The following ITGAL variants were observed in gnomAD, a reference collection of about 807,000 sequenced individuals.
ITGAL encodes the protein integrin subunit alpha L, also known as integrin alpha-L.
In ITGAL, 68 loss-of-function variants were observed where a neutral mutation model predicts 138.4. The observed-to-expected ratio is 0.49, with a 90% confidence interval of 0.40 to 0.60. ITGAL has a LOEUF of 0.60. ITGAL is among the 20% of genes least tolerant of loss of function. ITGAL has a pLI of 0.00. For missense variants in ITGAL, 1,256 were observed against 1,478.6 expected, an observed-to-expected ratio of 0.85 and a Z score of 2.47; for synonymous variants, 561 against 584.3, an observed-to-expected ratio of 0.96 and a Z score of 0.57.
chr16:30,490,679 AC>A (rs1453083394), intron 11 of ITGAL, among the ~76,000 whole-genome samples: 1 of 151,978 alleles, frequency 6.6e-6, no homozygotes, highest in Non-Finnish European at 1.5e-5. Context: ...TTTTAAAACA[AC>A]CTGCCTTATT....
chr16:30,499,711 A>ATGTATATATATATG (rs1567478363), intron 17 of ITGAL, among the ~76,000 whole-genome samples: 36 of 93,758 alleles, frequency 3.8e-4, no homozygotes, highest in East Asian at 1.5e-3. Context: ...ATATATATAT[A>ATGTATATATATATG]TGTATATATA....
At chr16:30,499,733 A>ATATATTTTTTTT in intron 17 of ITGAL, among the ~76,000 whole-genome samples, 2 of 88,378 alleles carry the variant, frequency 2.3e-5, no homozygotes. Context: ...ATATATATAT[A>ATATATTTTTTTT]TTTTTTTTTT....
chr16:30,479,793 A>G (rs2050527973), intron 6 of ITGAL, among the ~76,000 whole-genome samples: 1 of 151,340 alleles, frequency 6.6e-6, no homozygotes, highest in Admixed American at 6.6e-5. Context: ...CTGGTATTAC[A>G]GGCAACTGCC....
chr16:30,473,466 T>C (rs527520855), intron 1 of ITGAL, among the ~76,000 whole-genome samples: 3 of 152,144 alleles, frequency 2.0e-5, no homozygotes, highest in Non-Finnish European at 4.4e-5. Flanking sequence ...CAGATAGTTA[T>C]TGAGTAGCTA....
intron 9 of ITGAL, among the ~76,000 whole-genome samples, 178 bp downstream of exon 9, chr16:30,484,441 T>G (rs547731967): frequency 1.8e-4 from 27 of 151,208 alleles, no homozygotes; most frequent in Non-Finnish European, 2.9e-4. Context: ...AAACCCCATC[T>G]ATACTAAAAA....
At chr16:30,514,158 T>A (rs2051131947) in intron 25 of ITGAL, among the ~76,000 whole-genome samples, 1 of 152,220 alleles carries the variant, frequency 6.6e-6, no homozygotes, top group African/African-American at 2.4e-5. Context: ...TTACCCAGGC[T>A]TGAGTGCAGT....
chr16:30,476,633 CTTT>C (rs36005241), intron 4 of ITGAL, among the ~76,000 whole-genome samples: 7 of 137,412 alleles, frequency 5.1e-5, no homozygotes, highest in African/African-American at 1.1e-4. Flanking sequence ...GGAAACACTG[CTTT>C]TTTTTTTTTT....
At chr16:30,507,584 A>T (rs1358755132) in intron 21 of ITGAL, among the ~76,000 whole-genome samples, 1 of 151,790 alleles carries the variant, frequency 6.6e-6, no homozygotes, top group Admixed American at 6.6e-5. Flanking sequence ...TGTAAGGCAG[A>T]GGCTACTGTG....
At chr16:30,512,188 G>A (rs2051100112) in intron 24 of ITGAL, among the ~76,000 whole-genome samples, 1 of 152,148 alleles carries the variant, frequency 6.6e-6, no homozygotes, top group Non-Finnish European at 1.5e-5. Context: ...AATTATCCTA[G>A]CCTATGGGCA....
At chr16:30,481,184 C>A (rs868138084) in intron 6 of ITGAL, 5 of 356,072 alleles carry the variant, frequency 1.4e-5, no homozygotes, top group East Asian at 6.4e-5. Context: ...ACACACACAC[C>A]ACACACACAC....
intron 17 of ITGAL, among the ~76,000 whole-genome samples, chr16:30,501,821 A>T (rs2050903484): frequency 6.6e-6 from 1 of 152,034 alleles, no homozygotes. Context: ...GCTTGAGCTT[A>T]GGAGTTCAAC....
At chr16:30,507,971 C>T (rs1479437908) in intron 21 of ITGAL, among the ~76,000 whole-genome samples, 4 of 151,934 alleles carry the variant, frequency 2.6e-5, no homozygotes, top group African/African-American at 9.7e-5. Flanking sequence ...TGCAGTGGCG[C>T]GATCTCGGCT....
At chr16:30,474,399 C>T (rs570963398) in intron 2 of ITGAL, 101 bp downstream of exon 2, 59 of 761,724 alleles carry the variant, frequency 7.7e-5, no homozygotes, top group South Asian at 7.3e-4. Context: ...GTCGGTGGCA[C>T]GAGGCAGCTC....
In ITGAL at chr16:30,481,143, AACACACACACAC is replaced by A. The variant is rs60456127; in HGVS notation, c.577-267_577-256del. The A allele has an allele frequency of 3.0e-3, 645 of 216,020 alleles. 1 individual carries two copies. Among genetic ancestry groups the A allele is most frequent in the African/African-American group, 5.5e-3 (199 of 35,996 alleles). 13.4% of individuals were successfully genotyped at this position (216,020 alleles called of 1,614,324 possible). On this transcript the variant is annotated intron_variant, in intron 6 of 30. Transcript: ENST00000356798. The stretch of plus-strand genomic sequence containing the variant: ...ATGGTGAAACACCGTCTCTACTAAA[AACACACACACAC>A]ACACACACACACACACACACACACA...
rs779031566 is a variant in ITGAL at position 30,483,929 on chromosome 16, G to A, written c.825G>A (p.Ala275=). ...GEATDSGNID[A]AKDIIRYIIG... Reference sequence around the variant, plus strand: ...CCACTGACAGTGGCAACATCGATGCGGCCAAAGACATCATCCGCTACATCA... The same window carrying A: ...CCACTGACAGTGGCAACATCGATGCAGCCAAAGACATCATCCGCTACATCA... Residue 275 remains alanine (A), a synonymous_variant, in exon 8 of 31, where the codon GCG becomes GCA. Transcript: ENST00000356798. 9.9e-6 allele frequency: 16 copies of A among 1,613,798 alleles called. No homozygotes were observed. Among genetic ancestry groups the A allele is most frequent in the East Asian group, 2.2e-5 (1 of 44,858 alleles).
At position 30,474,417 on chromosome 16, in the gene ITGAL, G is replaced by T. The variant is rs1027616579; in HGVS notation, c.164+119G>T. 10 of 676,568 alleles carry T rather than the reference G, an allele frequency of 1.5e-5. No homozygotes were observed. The South Asian group carries it at 1.8e-4, about 12-fold the overall frequency. The allele number at this position is 676,568 out of a possible 1,614,324, so 41.9% of individuals were successfully genotyped here. The stretch of plus-strand genomic sequence containing the variant: ...GGTGGCACGAGGCAGCTCTCCAGGG[G>T]TTCCCGTCTGGAGGAGCCTGTGGTG... On this transcript the variant is annotated intron_variant, in intron 2 of 30. Transcript: ENST00000356798.
intron 9 of ITGAL, chr16:30,488,823 G>A: frequency 6.3e-6 from 3 of 473,082 alleles, no homozygotes; most frequent in Non-Finnish European, 1.2e-5. Flanking sequence ...GCTGCAGTGA[G>A]CTGTGATTGC....
chr16:30,517,464 A>T (rs1395594011), intron 26 of ITGAL, among the ~76,000 whole-genome samples, 185 bp from the exon 27 acceptor site: 3 of 152,032 alleles, frequency 2.0e-5, no homozygotes, highest in African/African-American at 7.2e-5. Flanking sequence ...TCTCTAACAA[A>T]GAAAAAAAAA....
chr16:30,489,056 C>G (rs749290506), intron 9 of ITGAL, 26 bp from the exon 10 acceptor site: 2 of 1,602,886 alleles, frequency 1.2e-6, no homozygotes, highest in Non-Finnish European at 1.7e-6. Flanking sequence ...TGTTGGGTCT[C>G]ACCTGTTCTC....
Sources: gnomAD v4.1 joint callset for allele counts (sites outside exome capture counted in the v4.1 genomes callset) on GRCh38, gnomAD v4.1.1 for gene constraint, MANE v1.5 for transcripts, NCBI Gene and HGNC (gene_info 2026-07-23, HGNC 2026-07-21) for gene names.